The following TMC2 variants were observed in gnomAD, a reference collection of about 807,000 sequenced individuals.
The protein encoded by TMC2 is transmembrane channel-like protein 2.
In TMC2, 102 loss-of-function variants were observed where a neutral mutation model predicts 105.9. The observed-to-expected ratio is 0.96, with a 90% CI of 0.82 to 1.14. The LOEUF is 1.14. Ranked by LOEUF, TMC2 falls within the 50% of genes most tolerant of loss-of-function variation. The pLI is 0.00. For synonymous variants in TMC2, 402 were observed against 422.8 expected (o/e 0.95, Z 0.60); for missense variants, 1,093 against 1,134.3 (o/e 0.96, Z 0.52).
In TMC2 at chr20:2,558,743, G is replaced by A. The variant is rs1351998357; in HGVS notation, c.370G>A (p.Glu124Lys). 2 of 1,566,544 alleles carry A rather than the reference G, an allele frequency of 1.3e-6. No homozygotes were observed. The highest frequency in any genetic ancestry group is 1.7e-6 in the Non-Finnish European group (2 of 1,158,040). ...PKREKEIPRR[E>K]EKSKRQKKPR... is the part of the protein sequence containing the mutation. The stretch of plus-strand genomic sequence containing the variant: ...GAGGGAAAAGGAGATTCCGAGGAGG[G>A]AGGAGAAGTCGAAGCGGCAGAAGAA... The change falls in exon 3 of 20, where the codon GAG becomes AAG. Residue 124 changes from glutamate (E) to lysine (K), a missense_variant. Physicochemically the swap from Glu to Lys is moderately conservative, Grantham distance 56. Transcript: ENST00000358864. This position sits in a 1 kb window ranked among gnomAD's most constrained non-coding sequence, Gnocchi z 4.6.
At chr20:2,612,082 A>G in intron 12 of TMC2, 109 bp from the exon 13 acceptor site, 2 of 1,134,252 alleles carry the variant, frequency 1.8e-6, no homozygotes, top group Non-Finnish European at 2.5e-6. Flanking sequence ...AGGGGAGAGC[A>G]GAAGCTAGAT....
intron 11 of TMC2, 65 bp downstream of exon 11, chr20:2,602,366 C>G (rs1027799517): frequency 1.7e-4 from 210 of 1,212,480 alleles, no homozygotes; most frequent in Non-Finnish European, 2.2e-4. Context: ...GGTTCCTATG[C>G]CATTCATTTC....
At position 2,570,770 on chromosome 20, in the gene TMC2, G is replaced by A. The variant is rs139977477; in HGVS notation, c.555-1409G>A. 2.7e-3 allele frequency among the ~76,000 whole-genome samples: 417 copies of A among 152,128 alleles called. 3 individuals carry two copies. The highest frequency in any genetic ancestry group is 8.2e-3 in the African/African-American group (339 of 41,538). On this transcript the variant is annotated intron_variant, in intron 4 of 19. Transcript: ENST00000358864. The stretch of plus-strand genomic sequence containing the variant: ...AACTATACTATGAGGCTACAGTAAC[G>A]AAAACAGCACAGTACTGGTACAAAA...
chr20:2,596,113 G>C (rs2086304631), intron 9 of TMC2, among the ~76,000 whole-genome samples: 1 of 152,100 alleles, frequency 6.6e-6, no homozygotes, highest in African/African-American at 2.4e-5. Context: ...CAAATCCAGA[G>C]AGCCAACATG....
intron 5 of TMC2, among the ~76,000 whole-genome samples, chr20:2,573,761 C>G (rs922184027): frequency 6.6e-6 from 1 of 151,020 alleles, no homozygotes; most frequent in South Asian, 2.1e-4. Context: ...GGGGTTTCAC[C>G]GTGTTAGCCA....
intron 17 of TMC2, among the ~76,000 whole-genome samples, chr20:2,628,355 T>C (rs2086578718): frequency 6.6e-6 from 1 of 152,302 alleles, no homozygotes; most frequent in African/African-American, 2.4e-5. Flanking sequence ...TATGATAAAT[T>C]AGGATAGCTC....
intron 17 of TMC2, among the ~76,000 whole-genome samples, chr20:2,626,924 G>A (rs1387270625): frequency 6.6e-6 from 1 of 152,226 alleles, no homozygotes; most frequent in African/African-American, 2.4e-5. Context: ...CTGAGCTTCT[G>A]CAGCCCTGAG....
chr20:2,598,414 A>C (rs1248044853), intron 10 of TMC2, among the ~76,000 whole-genome samples: 7 of 142,346 alleles, frequency 4.9e-5, no homozygotes, highest in African/African-American at 2.1e-4. Context: ...TTATTTATTT[A>C]TTTATTTATT....
At chr20:2,594,410 T>C (rs1459602544) in intron 8 of TMC2, among the ~76,000 whole-genome samples, 1 of 152,030 alleles carries the variant, frequency 6.6e-6, no homozygotes. Flanking sequence ...GTATTTTTAG[T>C]AGAGACAAGG....
At chr20:2,596,067 A>G (rs1394837681) in intron 9 of TMC2, among the ~76,000 whole-genome samples, 1 of 152,138 alleles carries the variant, frequency 6.6e-6, no homozygotes, top group African/African-American at 2.4e-5. Flanking sequence ...AGTTTTCGTG[A>G]CAAACCAAAA....
intron 7 of TMC2, among the ~76,000 whole-genome samples, chr20:2,583,463 CT>C (rs372290962): frequency 0.05 from 6,940 of 138,300 alleles, 476 homozygotes; most frequent in African/African-American, 0.16. Context: ...CACATAAGCA[CT>C]TTTTTTTTTT....
At chr20:2,571,890 C>G (rs1380915145) in intron 4 of TMC2, among the ~76,000 whole-genome samples, 2 of 152,128 alleles carry the variant, frequency 1.3e-5, no homozygotes, top group African/African-American at 4.8e-5. Context: ...TTTTAAAAGT[C>G]CTTTTTGCCA....
At chr20:2,622,551 C>T (rs906460940) in intron 16 of TMC2, among the ~76,000 whole-genome samples, 43 of 152,022 alleles carry the variant, frequency 2.8e-4, no homozygotes, top group African/African-American at 8.7e-4. Flanking sequence ...GCCTGTAATC[C>T]ACCAGGCATT....
chr20:2,622,497 G>A (rs561683001), intron 16 of TMC2, among the ~76,000 whole-genome samples: 17 of 151,914 alleles, frequency 1.1e-4, no homozygotes, highest in African/African-American at 2.2e-4. Flanking sequence ...GCGAAACCCC[G>A]TCTCTACTAA....
chr20:2,543,477 A>G (rs2085904524), intron 2 of TMC2, among the ~76,000 whole-genome samples: 1 of 152,220 alleles, frequency 6.6e-6, no homozygotes, highest in Non-Finnish European at 1.5e-5. Context: ...TCACAACATA[A>G]TAGTCCACAA....
rs1212492306 is a variant in TMC2 at position 2,637,569 on chromosome 20, C to A, written c.2481C>A (p.Thr827=). ...DTPKSSSKNA[T]QLQLTKEETT... ...CTAAAAGCAGCTCCAAAAATGCCAC[C>A]CAGCTCCAACTCACCAAGGAAGGTA... Residue 827 remains threonine (T), a synonymous_variant, in exon 19 of 20, where the codon ACC becomes ACA. Transcript: ENST00000358864. 6.2e-7 allele frequency: 1 copy of A among 1,613,168 alleles called. No individual in the cohort carries two copies. Among genetic ancestry groups the A allele is most frequent in the African/African-American group, 1.3e-5 (1 of 74,954 alleles).
intron 11 of TMC2, among the ~76,000 whole-genome samples, chr20:2,603,874 C>T (rs1242971101): frequency 6.6e-6 from 1 of 151,884 alleles, no homozygotes; most frequent in African/African-American, 2.4e-5. Flanking sequence ...AATTAGGTTC[C>T]TGCAGCCTTG....
chr20:2,558,594 C>G lies in TMC2; in HGVS notation c.221C>G (p.Thr74Arg), dbSNP rs1472641575. Residue 74 changes from threonine (T) to arginine (R), a missense_variant, in exon 3 of 20, where the codon ACA becomes AGA. Coordinates refer to ENST00000358864, the MANE Select transcript of TMC2 (RefSeq NM_080751.3). The surrounding 1 kb of genome is among the most constrained non-coding windows in gnomAD (Gnocchi z 4.6). ...CCGGGGTCTCCCCGGAGGAAGCAAA[C>G]AGGGCGCAGGAGACACAGAGAAGAG... ...PSPGSPRRKQ[T>R]GRRRHREELG... The G allele has an allele frequency of 2.6e-6, 4 of 1,555,448 alleles. No homozygotes were observed. Among genetic ancestry groups the G allele is most frequent in the Non-Finnish European group, 3.5e-6 (4 of 1,149,196 alleles).
intron 17 of TMC2, among the ~76,000 whole-genome samples, chr20:2,624,739 G>A (rs1388425978): frequency 6.6e-6 from 1 of 152,144 alleles, no homozygotes; most frequent in Non-Finnish European, 1.5e-5. Flanking sequence ...GGTCCAAGAG[G>A]GAAGGGAAGC....
Sources: gnomAD v4.1 joint callset for allele counts (sites outside exome capture counted in the v4.1 genomes callset) on GRCh38, gnomAD v4.1.1 for gene constraint, Gnocchi (gnomAD v3.1) non-coding constraint, MANE v1.5 for transcripts, NCBI Gene and HGNC (gene_info 2026-07-23, HGNC 2026-07-21) for gene names.